The following ZNF678 variants were observed in gnomAD, a reference collection of about 807,000 sequenced individuals.
The protein encoded by ZNF678 is zinc finger protein 678.
A neutral mutation model predicts 3.0 loss-of-function variants in ZNF678; 5 were observed. The ratio of observed to expected loss-of-function variants is 1.69; its 90% CI spans 0.88 to 3.56. The LOEUF is 3.56. ZNF678 is among the 30% of genes most tolerant of loss of function. ZNF678 has a pLI of 0.00. For synonymous variants in ZNF678, 218 were observed against 199.6 expected, an observed-to-expected ratio of 1.09 and a Z score of -0.78; for missense variants, 593 against 605.0, an observed-to-expected ratio of 0.98 and a Z score of 0.21.
downstream of ZNF678, among the ~76,000 whole-genome samples, chr1:227,666,033 C>T (rs1025937594): frequency 2.0e-5 from 3 of 152,150 alleles, no homozygotes; most frequent in African/African-American, 7.2e-5. Context: ...GTGAGTTATT[C>T]TTTCTAAGAA....
intron 5 of ZNF678, among the ~76,000 whole-genome samples, chr1:227,668,295 T>G (rs1015995257): frequency 1.3e-5 from 2 of 152,248 alleles, no homozygotes; most frequent in Non-Finnish European, 2.9e-5. Context: ...TAAACATAAT[T>G]CAGCCAAGTT....
intron 5 of ZNF678, among the ~76,000 whole-genome samples, chr1:227,673,044 C>G (rs1211340391): frequency 6.6e-6 from 1 of 152,144 alleles, no homozygotes. Flanking sequence ...CTGTATCATC[C>G]TCATAAATGG....
At chr1:227,593,915 A>G (rs1657490066) in intron 1 of ZNF678, among the ~76,000 whole-genome samples, 1 of 139,706 alleles carries the variant, frequency 7.2e-6, no homozygotes, top group Non-Finnish European at 1.5e-5. Flanking sequence ...GGTTAGCAGC[A>G]CAAGGTAGGG....
intron 3 of ZNF678, among the ~76,000 whole-genome samples, chr1:227,653,263 G>T (rs1429489594): frequency 6.6e-6 from 1 of 151,234 alleles, no homozygotes; most frequent in East Asian, 1.9e-4. Context: ...GTTTATTCTT[G>T]ATTTTTTTTT....
intron 1 of ZNF678, among the ~76,000 whole-genome samples, chr1:227,624,539 G>A (rs1288570060): frequency 6.6e-6 from 1 of 152,150 alleles, no homozygotes; most frequent in African/African-American, 2.4e-5. Context: ...TTTGTTCTTA[G>A]AGCTCCCGAG....
At chr1:227,582,956 A>G (rs1657167963) in intron 1 of ZNF678, among the ~76,000 whole-genome samples, 1 of 152,240 alleles carries the variant, frequency 6.6e-6, no homozygotes, top group South Asian at 2.1e-4. Flanking sequence ...AATTTCTGAT[A>G]GGTAAAGTCC....
chr1:227,597,243 G>C (rs1280109978), intron 1 of ZNF678, among the ~76,000 whole-genome samples: 2 of 152,190 alleles, frequency 1.3e-5, no homozygotes, highest in South Asian at 4.1e-4. Context: ...CAGATAGCTC[G>C]TGCTATTGTT....
chr1:227,619,933 G>A (rs1199607373), intron 1 of ZNF678, among the ~76,000 whole-genome samples: 1 of 151,936 alleles, frequency 6.6e-6, no homozygotes, highest in African/African-American at 2.4e-5. Context: ...TTGGAGAATT[G>A]ATTTTTTTCA....
Position 227,660,660 on chromosome 1 carries a change from C to T in ZNF678, c.*4832C>T, listed in dbSNP as rs1286355825. On this transcript the variant is annotated 3_prime_UTR_variant, in exon 4 of 4. Transcript: ENST00000343776. ...AGACTATGATATCTGCAAACAGGGA[C>T]AATTATTTTCTTTCTTTCCAATTTG... The T allele has an allele frequency of 6.6e-6, 1 of 152,048 alleles. No individual in the cohort carries two copies. The highest frequency in any genetic ancestry group is 1.5e-5 in the Non-Finnish European group (1 of 67,984). 9.4% of individuals were successfully genotyped at this position (152,048 alleles called of 1,614,324 possible).
rs541295435 is a variant in ZNF678 at position 227,595,346 on chromosome 1, T to C, written c.-164+31622T>C. Among the ~76,000 whole-genome samples the C allele has an allele frequency of 2.4e-4, 37 of 152,178 alleles. 1 individual carries two copies. The South Asian group carries it at 7.5e-3, about 31-fold the overall frequency. On this transcript the variant is annotated intron_variant, in intron 1 of 3. Transcript: ENST00000343776. ...CTGTGGAGAGATCTAAAACCAGCTG[T>C]AACCAAGCATCTGTGTAAGGGAACT...
intron 1 of ZNF678, among the ~76,000 whole-genome samples, chr1:227,614,567 C>T (rs1413766214): frequency 2.0e-5 from 3 of 152,198 alleles, no homozygotes; most frequent in South Asian, 2.1e-4. Context: ...CCTTCTAGAT[C>T]GGCTTCCATA....
In ZNF678 at chr1:227,655,436, A is replaced by T. The variant is rs369633436; in HGVS notation, c.1186A>T (p.Arg396Trp). 2 of 1,612,674 alleles carry T rather than the reference A, an allele frequency of 1.2e-6. No individual in the cohort carries two copies. Among genetic ancestry groups the T allele is most frequent in the Non-Finnish European group, 1.7e-6 (2 of 1,179,284 alleles). ...CAAGTTCTCAAGCCTTACTCAACATAGGAGAATTCATACTGGAGTGAAACC... is the reference window on the plus strand; with the variant it reads ...CAAGTTCTCAAGCCTTACTCAACATTGGAGAATTCATACTGGAGTGAAACC... The part of the protein sequence containing the change: ...FNKFSSLTQH[R>W]RIHTGVKPYK... The change falls in exon 4 of 4, where the codon AGG becomes TGG. Residue 396 changes from arginine to tryptophan, a missense_variant. Coordinates refer to ENST00000343776, the MANE Select transcript of ZNF678 (RefSeq NM_001367909.1).
chr1:227,663,595 T>C (rs1659452824), downstream of ZNF678, among the ~76,000 whole-genome samples: 1 of 152,224 alleles, frequency 6.6e-6, no homozygotes, highest in African/African-American at 2.4e-5. Flanking sequence ...CTATAAGAGA[T>C]ACCTGGGTGC....
At chr1:227,677,799 G>T (rs115236146), downstream of ZNF678, among the ~76,000 whole-genome samples, 2,625 of 152,228 alleles carry the variant, frequency 0.017, 78 homozygotes, top group African/African-American at 0.06. Flanking sequence ...CCAATTTCAG[G>T]GTTGAACAGT....
At position 227,655,682 on chromosome 1, in the gene ZNF678, C is replaced by T. The variant is rs377398321; in HGVS notation, c.1432C>T (p.Arg478Cys). The change falls in exon 4 of 4, where the codon CGT (arginine) becomes TGT (cysteine). Residue 478 changes from arginine (R) to cysteine (C), a missense_variant. By Grantham distance (180) the Arg-to-Cys change is radical (BLOSUM62 -3). Coordinates refer to ENST00000343776, the MANE Select transcript of ZNF678 (RefSeq NM_001367909.1). ...CTTTAACCAGTTCTCAAGCCTTACT[C>T]GTCATAAAAGAATTCATACTGGAGA... ...KAFNQFSSLTRHKRIHTGEKR... is the reference protein window; with the variant it reads ...KAFNQFSSLTCHKRIHTGEKR... 8.7e-5 allele frequency: 140 copies of T among 1,612,166 alleles called. No individual in the cohort carries two copies. The highest frequency in any genetic ancestry group is 2.7e-4 in the South Asian group (25 of 90,996).
chr1:227,666,564 ATT>A (rs1659506308), downstream of ZNF678, among the ~76,000 whole-genome samples: 1 of 151,930 alleles, frequency 6.6e-6, no homozygotes, highest in African/African-American at 2.4e-5. Flanking sequence ...TAGGGGAAGT[ATT>A]TTTCTAAGTT....
intron 1 of ZNF678, among the ~76,000 whole-genome samples, chr1:227,609,462 T>C (rs1657960646): frequency 1.3e-5 from 2 of 152,224 alleles, no homozygotes; most frequent in Admixed American, 1.3e-4. Context: ...TAGTTATTTA[T>C]TTAAATCCTC....
At chr1:227,666,026 A>C (rs1228030323), downstream of ZNF678, among the ~76,000 whole-genome samples, 1 of 152,182 alleles carries the variant, frequency 6.6e-6, no homozygotes, top group East Asian at 1.9e-4. Flanking sequence ...TTTCAGAGTG[A>C]GTTATTCTTT....
chr1:227,624,601 G>A (rs1313510423), intron 1 of ZNF678, among the ~76,000 whole-genome samples: 2 of 152,154 alleles, frequency 1.3e-5, no homozygotes, highest in African/African-American at 4.8e-5. Context: ...TCTCTGACCT[G>A]GGGTTGTTGG....
Sources: gnomAD v4.1 joint callset for allele counts (sites outside exome capture counted in the v4.1 genomes callset) on GRCh38, gnomAD v4.1.1 for gene constraint, MANE v1.5 for transcripts, NCBI Gene and HGNC (gene_info 2026-07-23, HGNC 2026-07-21) for gene names.